TLL2: variants seen among roughly 807,000 people sequenced by gnomAD.
TLL2 encodes the protein tolloid-like protein 2.
TLL2 carries 106 observed loss-of-function variants against 123.0 expected under a neutral mutation model. The observed-to-expected ratio is 0.86, with a 90% CI of 0.74 to 1.01. The LOEUF (loss-of-function observed/expected upper bound fraction) is 1.01, where lower values mean the gene tolerates loss of function less well. TLL2 is among the 50% of genes least tolerant of loss of function. The probability of loss-of-function intolerance (pLI) is 0.00; values close to 1 mark genes in which losing one functional copy is unlikely to be tolerated. For synonymous variants in TLL2, 494 were observed against 516.8 expected (o/e 0.96, Z 0.60); for missense variants, 1,332 against 1,336.7 (o/e 1.00, Z 0.06).
intron 2 of TLL2, among the ~76,000 whole-genome samples, chr10:96,457,674 A>G (rs187267232): frequency 6.4e-4 from 98 of 152,256 alleles, no homozygotes; most frequent in African/African-American, 2.3e-3. Flanking sequence ...TATAGTGGCT[A>G]TGGAGCCACA....
At chr10:96,466,558 A>C (rs1847133662) in intron 2 of TLL2, among the ~76,000 whole-genome samples, 1 of 152,180 alleles carries the variant, frequency 6.6e-6, no homozygotes, top group Non-Finnish European at 1.5e-5. Context: ...TCGGGTGCTC[A>C]GTTTCACACC....
chr10:96,466,740 G>A (rs12261890), intron 2 of TLL2, among the ~76,000 whole-genome samples: 22,103 of 152,224 alleles, frequency 0.15, 1,957 homozygotes, highest in East Asian at 0.45. Context: ...AGACTATTCT[G>A]AAGTTCCACG....
chr10:96,418,866 T>C (rs922542975), intron 7 of TLL2, among the ~76,000 whole-genome samples: 1 of 150,020 alleles, frequency 6.7e-6, no homozygotes, highest in Non-Finnish European at 1.5e-5. Flanking sequence ...TTAATAATTA[T>C]TAATAGATAA....
chr10:96,412,664 C>A (rs1846518352), intron 8 of TLL2, among the ~76,000 whole-genome samples: 1 of 152,100 alleles, frequency 6.6e-6, no homozygotes, highest in South Asian at 2.1e-4. Flanking sequence ...CCTAGGATGG[C>A]CAGGAAAGCC....
chr10:96,401,145 C>G (rs1043870119), intron 10 of TLL2, among the ~76,000 whole-genome samples: 4 of 152,152 alleles, frequency 2.6e-5, no homozygotes, highest in African/African-American at 9.7e-5. Flanking sequence ...GAGGACACTA[C>G]AAGTGGGCTC....
At chr10:96,421,581 G>T (rs1376137328) in intron 6 of TLL2, among the ~76,000 whole-genome samples, 1 of 151,658 alleles carries the variant, frequency 6.6e-6, no homozygotes, top group Non-Finnish European at 1.5e-5. Context: ...GGAGAATGGT[G>T]TGAACCCGGG....
chr10:96,492,803 C>T (rs557743004), intron 1 of TLL2, among the ~76,000 whole-genome samples: 1 of 152,304 alleles, frequency 6.6e-6, no homozygotes, highest in Non-Finnish European at 1.5e-5. Flanking sequence ...CATTTCCCAA[C>T]ATAGTTGCTT....
chr10:96,501,395 C>A lies in TLL2; in HGVS notation c.175+12116G>T, dbSNP rs539317038. ...TTTCCCTCCCTTCCCATTCTCAAGG[C>A]CATAGCCTGCATCCTCATGCTCCAG... On this transcript the variant is annotated intron_variant, in intron 1 of 20. Coordinates refer to ENST00000357947, the MANE Select transcript of TLL2 (RefSeq NM_012465.4). Among the ~76,000 whole-genome samples, 4 of 152,290 alleles carry A rather than the reference C, an allele frequency of 2.6e-5. No individual in the cohort carries two copies. The South Asian group carries it at 8.3e-4, about 32-fold the overall frequency.
At chr10:96,431,130 G>C (rs993383870) in intron 4 of TLL2, among the ~76,000 whole-genome samples, 11 of 152,282 alleles carry the variant, frequency 7.2e-5, no homozygotes, top group Non-Finnish European at 1.6e-4. Context: ...AAGCACACCA[G>C]ATCTGAAAGA....
intron 1 of TLL2, among the ~76,000 whole-genome samples, chr10:96,506,662 T>C (rs1847582629): frequency 6.6e-6 from 1 of 151,722 alleles, no homozygotes. Context: ...GTGCACTGCA[T>C]ATCTGGGGCT....
intron 13 of TLL2, among the ~76,000 whole-genome samples, chr10:96,393,886 C>T (rs1490560200): frequency 1.3e-5 from 2 of 152,104 alleles, no homozygotes; most frequent in Non-Finnish European, 2.9e-5. Flanking sequence ...CCTTGTTTGT[C>T]ACCTGCCAGC....
At chr10:96,474,174 A>T (rs752289384) in intron 2 of TLL2, among the ~76,000 whole-genome samples, 9 of 152,172 alleles carry the variant, frequency 5.9e-5, no homozygotes, top group Non-Finnish European at 1.3e-4. Context: ...CACACAGAAG[A>T]CTTTCTTTCC....
At chr10:96,415,593 G>A (rs1846547545) in intron 7 of TLL2, among the ~76,000 whole-genome samples, 1 of 150,972 alleles carries the variant, frequency 6.6e-6, no homozygotes, top group African/African-American at 2.4e-5. Context: ...CTCAAAAAAT[G>A]CTTCTTGAAT....
intron 4 of TLL2, among the ~76,000 whole-genome samples, chr10:96,430,958 T>G (rs531026650): frequency 6.6e-6 from 1 of 152,334 alleles, no homozygotes; most frequent in East Asian, 1.9e-4. Context: ...ATTTTTTTTC[T>G]GACATCTTGA....
intron 2 of TLL2, among the ~76,000 whole-genome samples, chr10:96,459,732 A>ATATATG (rs1222156603): frequency 8.1e-6 from 1 of 123,068 alleles, no homozygotes; most frequent in African/African-American, 2.9e-5. Flanking sequence ...ATATATATAT[A>ATATATG]GCAGCTAAAA....
intron 19 of TLL2, among the ~76,000 whole-genome samples, chr10:96,372,348 C>T (rs768587663): frequency 3.0e-4 from 45 of 152,238 alleles, no homozygotes; most frequent in Non-Finnish European, 5.3e-4. Flanking sequence ...GTCCCATGAT[C>T]GTGAGCTCAG....
chr10:96,463,240 G>A (rs1479099128), intron 2 of TLL2, among the ~76,000 whole-genome samples: 1 of 152,148 alleles, frequency 6.6e-6, no homozygotes, highest in Non-Finnish European at 1.5e-5. Context: ...CATGTCTTCC[G>A]AGGCATTGAG....
chr10:96,410,015 T>C (rs144655235), intron 9 of TLL2, among the ~76,000 whole-genome samples: 10 of 152,320 alleles, frequency 6.6e-5, no homozygotes, highest in Non-Finnish European at 1.5e-4. Flanking sequence ...TAGCCAGCTG[T>C]GGGCTGGCTC....
chr10:96,433,136 G>T (rs538964765), intron 3 of TLL2, among the ~76,000 whole-genome samples, 174 bp from the exon 4 acceptor site: 1 of 152,292 alleles, frequency 6.6e-6, no homozygotes, highest in Admixed American at 6.5e-5. Context: ...GATGGGGTAA[G>T]AGTACATGTA....
Sources: gnomAD v4.1 joint callset for allele counts (sites outside exome capture counted in the v4.1 genomes callset) on GRCh38, gnomAD v4.1.1 for gene constraint, MANE v1.5 for transcripts, NCBI Gene and HGNC (gene_info 2026-07-23, HGNC 2026-07-21) for gene names.